The following POT1 variants were observed in gnomAD, a reference collection of about 807,000 sequenced individuals.
The protein encoded by POT1 is protection of telomeres protein 1.
In POT1, 47 loss-of-function variants were observed where a neutral mutation model predicts 78.5. That is an observed-to-expected ratio of 0.60 (90% CI 0.47 to 0.76). The LOEUF (loss-of-function observed/expected upper bound fraction) is 0.76. Among genes scored for constraint, POT1 ranks in the 30% least tolerant of loss-of-function variants. The pLI is 0.00. For synonymous variants in POT1, 259 were observed against 260.7 expected (o/e 0.99, Z 0.06); for missense variants, 646 against 749.9 (o/e 0.86, Z 1.62).
At chr7:124,885,838 A>G (rs1036079041) in intron 6 of POT1, among the ~76,000 whole-genome samples, 4 of 152,110 alleles carry the variant, frequency 2.6e-5, no homozygotes, top group Non-Finnish European at 5.9e-5. Context: ...GGACATTTCA[A>G]TATATGTTGC....
At chr7:124,838,853 C>T (rs1794958425) in intron 14 of POT1, among the ~76,000 whole-genome samples, 1 of 152,132 alleles carries the variant, frequency 6.6e-6, no homozygotes, top group South Asian at 2.1e-4. Flanking sequence ...GATCTGCCTG[C>T]CTCGGCCTCC....
intron 8 of POT1, 129 bp downstream of exon 8, chr7:124,863,221 A>T: frequency 2.2e-6 from 2 of 893,108 alleles, no homozygotes; most frequent in East Asian, 5.2e-5. Flanking sequence ...GCTCGTCAAA[A>T]ATAGTTAAAA....
intron 3 of POT1, among the ~76,000 whole-genome samples, chr7:124,899,616 TAC>T (rs1350459757): frequency 6.6e-6 from 1 of 152,128 alleles, no homozygotes; most frequent in African/African-American, 2.4e-5. Flanking sequence ...CTCAAACCAA[TAC>T]ATTCTGATTA....
intron 6 of POT1, among the ~76,000 whole-genome samples, chr7:124,883,879 ATC>A (rs1796181960): frequency 6.6e-6 from 1 of 151,754 alleles, no homozygotes; most frequent in African/African-American, 2.4e-5. Flanking sequence ...AGATTCTTTC[ATC>A]TCTCTGATAA....
intron 9 of POT1, among the ~76,000 whole-genome samples, chr7:124,856,525 G>GA (rs370957443): frequency 6.6e-6 from 1 of 151,898 alleles, no homozygotes; most frequent in Non-Finnish European, 1.5e-5. Context: ...AAAGAATCTG[G>GA]AAAAAAAATC....
chr7:124,842,948 T>C lies in POT1; in HGVS notation c.1022A>G (p.Gln341Arg), dbSNP rs554325914. The C allele has an allele frequency of 4.5e-4, 715 of 1,582,150 alleles. 8 individuals are homozygous for C. The South Asian group carries it at 8.1e-3, about 18-fold the overall frequency. ...QLSATILTDH[Q>R]YLERTPLCAI... ...ACATAGTGGTGTCCTCTCCAAATAC[T>C]GATGATCTGTAAGTACTGTAAAGAA... Residue 341 changes from glutamine to arginine, a missense_variant, in exon 13 of 19, where the codon CAG becomes CGG. Gln to Arg is a conservative substitution (Grantham distance 43). Around this residue, in one of 2 missense-constraint regions of POT1, gnomAD observed 394 missense variants for 408.4 expected, o/e 0.96. Transcript: ENST00000357628.
At chr7:124,901,248 A>G (rs1156437923) in intron 3 of POT1, among the ~76,000 whole-genome samples, 2 of 152,186 alleles carry the variant, frequency 1.3e-5, no homozygotes, top group Non-Finnish European at 2.9e-5. Context: ...GACACCTTCC[A>G]GTAGGGGCCA....
intron 8 of POT1, among the ~76,000 whole-genome samples, chr7:124,861,540 T>C (rs1242538738): frequency 1.0e-5 from 1 of 96,510 alleles, no homozygotes; most frequent in Non-Finnish European, 2.3e-5. Context: ...TTTTCTCCCA[T>C]TCTGTAGGTT....
intron 6 of POT1, among the ~76,000 whole-genome samples, chr7:124,877,224 C>G (rs1796009327): frequency 6.6e-6 from 1 of 152,160 alleles, no homozygotes; most frequent in African/African-American, 2.4e-5. Context: ...AAAAAGACAA[C>G]AAATCAATGG....
chr7:124,871,730 A>AT (rs1562997652), intron 6 of POT1, among the ~76,000 whole-genome samples: 50 of 100,246 alleles, frequency 5.0e-4, no homozygotes, highest in African/African-American at 1.8e-3. Flanking sequence ...CCTGCCTTAA[A>AT]ATTTTTTTTT....
chr7:124,822,756 G>T lies in POT1; in HGVS notation c.*1206C>A. 4.2e-6 allele frequency: 1 copy of T among 239,448 alleles called. No individual in the cohort carries two copies. Among genetic ancestry groups the T allele is most frequent in the Non-Finnish European group, 9.2e-6 (1 of 108,706 alleles). The allele number at this position is 239,448 out of a possible 1,614,324, so 14.8% of individuals were successfully genotyped here. A position where few individuals can be genotyped will look rare whatever the true frequency, so the allele number is the denominator to read the frequency against. On this transcript the variant is annotated 3_prime_UTR_variant, in exon 19 of 19. Coordinates refer to ENST00000357628, the MANE Select transcript of POT1 (RefSeq NM_015450.3). ...GATGATGGGGGACATTGGTAGTTAGGTAAAGAAGATGTGTTAATGTACTCA... is the reference window on the plus strand; with the variant it reads ...GATGATGGGGGACATTGGTAGTTAGTTAAAGAAGATGTGTTAATGTACTCA...
intron 18 of POT1, 80 bp downstream of exon 18, chr7:124,825,172 C>G (rs1794598952): frequency 1.2e-6 from 1 of 841,186 alleles, no homozygotes; most frequent in African/African-American, 1.7e-5. Flanking sequence ...TTTCAGACTT[C>G]TAAAAGTCCA....
At chr7:124,872,279 C>T (rs192930605) in intron 6 of POT1, among the ~76,000 whole-genome samples, 1 of 152,242 alleles carries the variant, frequency 6.6e-6, no homozygotes, top group Admixed American at 6.5e-5. Context: ...CTGCAATGAA[C>T]ATGGGAGTGC....
At chr7:124,835,133 G>T in intron 15 of POT1, 146 bp downstream of exon 15, 1 of 901,740 alleles carries the variant, frequency 1.1e-6, no homozygotes, top group Non-Finnish European at 1.6e-6. Context: ...TAGGAGAAAT[G>T]CCTAATGCAG....
intron 11 of POT1, among the ~76,000 whole-genome samples, chr7:124,850,300 T>C (rs184361521): frequency 5.6e-4 from 86 of 152,350 alleles, no homozygotes; most frequent in Middle Eastern, 3.4e-3. Context: ...TGCACTTGAA[T>C]CTGTCTTGCT....
At chr7:124,914,296 T>TAAAA (rs1796964004) in intron 3 of POT1, among the ~76,000 whole-genome samples, 4 of 152,134 alleles carry the variant, frequency 2.6e-5, no homozygotes, top group African/African-American at 9.7e-5. Context: ...GTTGTTCTTT[T>TAAAA]TTAAGGTTGT....
At chr7:124,878,280 TGAG>T (rs1796037496) in intron 6 of POT1, among the ~76,000 whole-genome samples, 2 of 151,840 alleles carry the variant, frequency 1.3e-5, no homozygotes. Context: ...TGTAGTAAGC[TGAG>T]ATCATGCCAC....
intron 17 of POT1, among the ~76,000 whole-genome samples, chr7:124,826,353 C>T (rs531713574): frequency 1.3e-5 from 2 of 152,152 alleles, no homozygotes; most frequent in Non-Finnish European, 2.9e-5. Flanking sequence ...TTTTAATGTA[C>T]ATCCTTTAGC....
At chr7:124,913,606 C>T (rs1210324177) in intron 3 of POT1, among the ~76,000 whole-genome samples, 2 of 152,078 alleles carry the variant, frequency 1.3e-5, no homozygotes, top group African/African-American at 4.8e-5. Flanking sequence ...ATGGATTTAG[C>T]TCTTATATAT....
Sources: allele counts gnomAD v4.1 joint callset (sites outside exome capture counted in the v4.1 genomes callset), GRCh38; gene constraint gnomAD v4.1.1; regional missense constraint gnomAD v4.1.1; transcripts MANE v1.5; gene names NCBI Gene and HGNC (gene_info 2026-07-23, HGNC 2026-07-21).